The following ABR variants were observed in gnomAD, a reference collection of about 807,000 sequenced individuals.
ABR encodes the protein active breakpoint cluster region-related protein.
A neutral mutation model predicts 107.2 loss-of-function variants in ABR; 35 were observed. The ratio of observed to expected loss-of-function variants is 0.33; its 90% CI spans 0.25 to 0.43. ABR has a LOEUF of 0.43. ABR is among the 20% of genes least tolerant of loss of function. The pLI is 1.00. For missense variants in ABR, 815 were observed against 1,115.2 expected, an observed-to-expected ratio of 0.73 and a Z score of 3.83; for synonymous variants, 498 against 462.0, an observed-to-expected ratio of 1.08 and a Z score of -1.00.
At chr17:1,015,076 A>G (rs957857155) in intron 16 of ABR, among the ~76,000 whole-genome samples, 6 of 152,158 alleles carry the variant, frequency 3.9e-5, no homozygotes, top group Admixed American at 6.5e-5. Flanking sequence ...GGCTCCAAAT[A>G]TTCAAAATAT....
chr17:1,228,757 C>CGGCGGGGTCG (rs1372977422), intron 1 of ABR: 1 of 143,742 alleles, frequency 7.0e-6, no homozygotes, highest in African/African-American at 2.6e-5. Flanking sequence ...GGGGGGCGCG[C>CGGCGGGGTCG]GGCGGGGTCG....
intron 16 of ABR, among the ~76,000 whole-genome samples, chr17:1,042,818 C>T (rs2030874367): frequency 6.6e-6 from 1 of 152,208 alleles, no homozygotes; most frequent in Admixed American, 6.5e-5. Flanking sequence ...GTGGCACCTA[C>T]ATCCACGGAC....
rs543337745 is a variant in ABR at position 1,129,486 on chromosome 17, C to T, written c.62-4119G>A. Among the ~76,000 whole-genome samples, 242 of 151,936 alleles carry T rather than the reference C, an allele frequency of 1.6e-3. 1 individual carries two copies. Among genetic ancestry groups the T allele is most frequent in the Non-Finnish European group, 2.8e-3 (192 of 67,978 alleles). On this transcript the variant is annotated intron_variant, in intron 1 of 22. Coordinates refer to ENST00000302538, the MANE Select transcript of ABR (RefSeq NM_021962.5). ...GGCGGGGCTTGCAGTGAGCTGAGAT[C>T]GCGACACTGCACTCCAGACTGGGCG...
chr17:1,053,816 G>T (rs2586289), intron 14 of ABR, among the ~76,000 whole-genome samples: 3 of 124,142 alleles, frequency 2.4e-5, no homozygotes, highest in South Asian at 6.5e-4. Flanking sequence ...GGAGAGGGAG[G>T]GGCGGCATCT....
At chr17:1,160,268 A>G (rs1417620092) in intron 1 of ABR, among the ~76,000 whole-genome samples, 2 of 124,082 alleles carry the variant, frequency 1.6e-5, no homozygotes, top group Non-Finnish European at 1.7e-5. Flanking sequence ...ACAAAAAACA[A>G]TAACAAAAAA....
At chr17:1,189,435 C>T (rs1352716996), upstream of ABR, among the ~76,000 whole-genome samples, 1 of 151,536 alleles carries the variant, frequency 6.6e-6, no homozygotes, top group Admixed American at 6.6e-5. Context: ...CTGAAACCTC[C>T]GCCTCCGAGT....
chr17:1,091,520 G>T, intron 4 of ABR, 145 bp downstream of exon 4: 1 of 928,438 alleles, frequency 1.1e-6, no homozygotes. Flanking sequence ...ATAACACACA[G>T]GCCCAGGCCT....
intron 6 of ABR, among the ~76,000 whole-genome samples, chr17:1,077,110 G>T (rs2035799717): frequency 6.6e-6 from 1 of 152,210 alleles, no homozygotes; most frequent in Non-Finnish European, 1.5e-5. Flanking sequence ...GAGACTTGTG[G>T]CTACAAGTGG....
intron 16 of ABR, among the ~76,000 whole-genome samples, chr17:1,018,712 A>T (rs2071396303): frequency 6.6e-6 from 1 of 152,192 alleles, no homozygotes; most frequent in Non-Finnish European, 1.5e-5. Context: ...TTCCTCATGG[A>T]GGCATCCACA....
chr17:1,223,557 G>A (rs1297777766), intron 1 of ABR, among the ~76,000 whole-genome samples: 3 of 152,080 alleles, frequency 2.0e-5, no homozygotes, highest in Non-Finnish European at 4.4e-5. Flanking sequence ...AAGTTCTCCA[G>A]GCCTCGTGAT....
At position 1,022,120 on chromosome 17, in the gene ABR, A is replaced by AAAAAAAAAAAAAAAAAAAAAAC. The variant is rs56033950; in HGVS notation, c.1792-8957_1792-8956insGTTTTTTTTTTTTTTTTTTTTT. 4.6e-4 allele frequency among the ~76,000 whole-genome samples: 55 copies of AAAAAAAAAAAAAAAAAAAAAAC among 118,384 alleles called. 1 individual carries two copies. Among genetic ancestry groups the AAAAAAAAAAAAAAAAAAAAAAC allele is most frequent in the South Asian group, 2.7e-3 (10 of 3,682 alleles). 77.7% of individuals were successfully genotyped at this position (118,384 alleles called of 152,430 possible). On this transcript the variant is annotated intron_variant, in intron 16 of 22. Coordinates refer to ENST00000302538, the MANE Select transcript of ABR (RefSeq NM_021962.5). ...AGACTCTGTCTCAAAAAAAAAAAAA[A>AAAAAAAAAAAAAAAAAAAAAAC]AAAAACAGAAAATGACTCCAGAAGG...
At chr17:1,029,125 G>A (rs1261953062) in intron 16 of ABR, among the ~76,000 whole-genome samples, 1 of 151,814 alleles carries the variant, frequency 6.6e-6, no homozygotes, top group Admixed American at 6.6e-5. Context: ...AAACAAACAG[G>A]GAAAAGGAAA....
chr17:1,027,074 C>A lies in ABR; in HGVS notation c.1792-13910G>T, dbSNP rs12602025. On this transcript the variant is annotated intron_variant, in intron 16 of 22. Coordinates refer to ENST00000302538, the MANE Select transcript of ABR (RefSeq NM_021962.5). The surrounding 1 kb of genome is among the most constrained non-coding windows in gnomAD (Gnocchi z 4.7). ...CCTGGGGCAGCTCCCCCAGCCACAC[C>A]TGCAGGCTTGGGGGCTCCTTCCAAA... Among the ~76,000 whole-genome samples the A allele has an allele frequency of 6.6e-6, 1 of 152,166 alleles. No homozygotes were observed. Among genetic ancestry groups the A allele is most frequent in the East Asian group, 1.9e-4 (1 of 5,176 alleles).
chr17:1,079,141 G>C (rs551401142), intron 6 of ABR, 189 bp downstream of exon 6: 1 of 1,436,986 alleles, frequency 7.0e-7, no homozygotes. Context: ...GCCTGGGCAC[G>C]AGGCTAGAGT....
At chr17:1,100,892 C>G (rs1303734817) in intron 2 of ABR, 157 bp from the exon 3 acceptor site, 7 of 674,822 alleles carry the variant, frequency 1.0e-5, no homozygotes, top group Non-Finnish European at 1.8e-5. Context: ...GGCACAATCT[C>G]GGCTCACTGC....
Position 1,050,313 on chromosome 17 carries a change from G to T in ABR, c.1660-132C>A. 5 of 1,235,290 alleles carry T rather than the reference G, an allele frequency of 4.0e-6. No individual in the cohort carries two copies. The highest frequency in any genetic ancestry group is 4.4e-6 in the Non-Finnish European group (4 of 900,582). 76.5% of individuals were successfully genotyped at this position (1,235,290 alleles called of 1,614,324 possible). On this transcript the variant is annotated intron_variant, in intron 15 of 22. Transcript: ENST00000302538. The surrounding 1 kb of genome is among the most constrained non-coding windows in gnomAD (Gnocchi z 4.6). Reference sequence around the variant, plus strand: ...CACGAAGGACACGTCAGATTTTCTGGAGCTCCCAGAGGCCTCCCATCACCC... The same window carrying T: ...CACGAAGGACACGTCAGATTTTCTGTAGCTCCCAGAGGCCTCCCATCACCC...
chr17:1,106,675 G>A (rs910249963), intron 2 of ABR, among the ~76,000 whole-genome samples: 2 of 151,804 alleles, frequency 1.3e-5, no homozygotes, highest in South Asian at 2.1e-4. Flanking sequence ...GATTACAGAC[G>A]CCCACCACTA....
At chr17:1,172,969 C>CCCACCCAACACATCACCTCAGT (rs879482742) in intron 1 of ABR, among the ~76,000 whole-genome samples, 24 of 120,182 alleles carry the variant, frequency 2.0e-4, no homozygotes, top group African/African-American at 6.8e-4. Context: ...ATCACCTCAG[C>CCCACCCAACACATCACCTCAGT]CCACCCAACA....
chr17:1,174,004 G>T (rs1164546310), intron 1 of ABR, among the ~76,000 whole-genome samples: 1 of 152,168 alleles, frequency 6.6e-6, no homozygotes, highest in Non-Finnish European at 1.5e-5. Context: ...CCTCTACGAA[G>T]GAAGGTACCG....
Sources: gnomAD v4.1 joint callset for allele counts (sites outside exome capture counted in the v4.1 genomes callset) on GRCh38, gnomAD v4.1.1 for gene constraint, Gnocchi (gnomAD v3.1) non-coding constraint, MANE v1.5 for transcripts, NCBI Gene and HGNC (gene_info 2026-07-23, HGNC 2026-07-21) for gene names.